LIN52: variants seen among roughly 807,000 people sequenced by gnomAD.
LIN52 encodes the protein protein lin-52 homolog.
Under a neutral mutation model 18.5 loss-of-function variants are expected in LIN52, and 4 were observed. The observed-to-expected ratio is 0.22, with a 90% CI of 0.11 to 0.49. LIN52 has a LOEUF of 0.49. LIN52 is among the 20% of genes least tolerant of loss of function. LIN52 has a pLI of 0.97. For missense variants in LIN52, 102 were observed against 139.5 expected, an observed-to-expected ratio of 0.73 and a Z score of 1.35; for synonymous variants, 34 against 45.5, an observed-to-expected ratio of 0.75 and a Z score of 1.02.
intron 5 of LIN52, among the ~76,000 whole-genome samples, chr14:74,196,362 A>C (rs531890195): frequency 6.6e-6 from 1 of 152,304 alleles, no homozygotes; most frequent in African/African-American, 2.4e-5. Flanking sequence ...GGGGAAAAAC[A>C]GTAAGGAGTT....
chr14:74,133,181 A>G (rs1485221617), intron 5 of LIN52, among the ~76,000 whole-genome samples: 3 of 152,364 alleles, frequency 2.0e-5, no homozygotes, highest in South Asian at 2.1e-4. Context: ...GTTAGTTGGT[A>G]AAAACTGTTC....
chr14:74,170,266 G>A (rs2061264903), intron 5 of LIN52, among the ~76,000 whole-genome samples: 1 of 152,166 alleles, frequency 6.6e-6, no homozygotes, highest in Admixed American at 6.6e-5. Context: ...CAGATGCTTA[G>A]TAAATATCCA....
intron 5 of LIN52, among the ~76,000 whole-genome samples, chr14:74,154,535 A>G (rs997348710): frequency 1.5e-4 from 23 of 152,212 alleles, no homozygotes; most frequent in Non-Finnish European, 8.8e-5. Context: ...GGCTAGAAGT[A>G]AGAGTCTAGG....
rs1205723391 is a variant in LIN52, at chr14:74,106,354, C to T, written c.283+5116C>T. The stretch of plus-strand genomic sequence containing the variant: ...GCCTTATCATGGCTCACTGCAGCCT[C>T]GAACTCCTGGGCTCAAGAGATCCTC... On this transcript the variant is annotated intron_variant, in intron 5 of 5. Transcript: ENST00000555028. Among the ~76,000 whole-genome samples the T allele has an allele frequency of 2.0e-5, 3 of 152,158 alleles. No individual in the cohort carries two copies. The East Asian group carries it at 5.8e-4, about 29-fold the overall frequency.
At chr14:74,091,767 C>G (rs201898103) in intron 2 of LIN52, among the ~76,000 whole-genome samples, 2 of 77,140 alleles carry the variant, frequency 2.6e-5, no homozygotes, top group East Asian at 3.5e-3. Flanking sequence ...GGGTGAGACT[C>G]TGTCTCAAAA....
At chr14:74,133,838 T>C (rs2061082045) in intron 5 of LIN52, among the ~76,000 whole-genome samples, 1 of 152,232 alleles carries the variant, frequency 6.6e-6, no homozygotes, top group South Asian at 2.1e-4. Flanking sequence ...TTGTTGCAAT[T>C]TGGCCTGTTT....
intron 5 of LIN52, among the ~76,000 whole-genome samples, chr14:74,117,314 A>G (rs2060971094): frequency 6.6e-6 from 1 of 152,216 alleles, no homozygotes; most frequent in Admixed American, 6.5e-5. Flanking sequence ...ATGTTGGCCA[A>G]GATGTTACTT....
intron 5 of LIN52, among the ~76,000 whole-genome samples, chr14:74,186,587 A>G (rs2061341654): frequency 6.6e-6 from 1 of 152,038 alleles, no homozygotes; most frequent in Non-Finnish European, 1.5e-5. Context: ...GTGAGCCAAG[A>G]TTGTGCCACT....
At chr14:74,169,697 C>T (rs778983594) in intron 5 of LIN52, among the ~76,000 whole-genome samples, 1 of 152,134 alleles carries the variant, frequency 6.6e-6, no homozygotes, top group Non-Finnish European at 1.5e-5. Context: ...TATCATAGTA[C>T]CCCCTTTTAA....
chr14:74,188,308 C>T (rs1247032731), intron 5 of LIN52, among the ~76,000 whole-genome samples: 1 of 151,988 alleles, frequency 6.6e-6, no homozygotes, highest in Admixed American at 6.6e-5. Flanking sequence ...AATCTCGATG[C>T]AAGTCATACA....
intron 5 of LIN52, among the ~76,000 whole-genome samples, chr14:74,143,277 T>TTCAG (rs1408485054): frequency 6.6e-6 from 1 of 152,146 alleles, no homozygotes; most frequent in Non-Finnish European, 1.5e-5. Flanking sequence ...AGCCTGGGCA[T>TTCAG]AGTGGCTTAT....
chr14:74,114,175 AGTGTGTGTGTGTGTGT>A (rs55840907), intron 5 of LIN52: 22 of 941,228 alleles, frequency 2.3e-5, no homozygotes, highest in African/African-American at 1.1e-4. Context: ...AACTGAGATT[AGTGTGTGTGTGTGTGT>A]GTGTGTGTGT....
chr14:74,135,405 T>C (rs968423008), intron 5 of LIN52, among the ~76,000 whole-genome samples: 1 of 152,130 alleles, frequency 6.6e-6, no homozygotes, highest in African/African-American at 2.4e-5. Context: ...CAGAAGAGTT[T>C]AACAGTGAGG....
chr14:74,113,120 C>T (rs1405835807), intron 5 of LIN52, among the ~76,000 whole-genome samples: 2 of 152,092 alleles, frequency 1.3e-5, no homozygotes, highest in African/African-American at 2.4e-5. Context: ...TGGCCAGGTG[C>T]GGTGGCTCAC....
At chr14:74,142,395 T>A (rs1566859618) in intron 5 of LIN52, among the ~76,000 whole-genome samples, 1 of 152,184 alleles carries the variant, frequency 6.6e-6, no homozygotes, top group Non-Finnish European at 1.5e-5. Flanking sequence ...AATTGGAGGC[T>A]ATTATTAATA....
chr14:74,167,655 G>A (rs1394864287), intron 5 of LIN52, among the ~76,000 whole-genome samples: 4 of 152,112 alleles, frequency 2.6e-5, no homozygotes, highest in African/African-American at 9.7e-5. Flanking sequence ...TTTGACAAGT[G>A]AAGTATTGTC....
chr14:74,166,432 C>T (rs1041061787), intron 5 of LIN52, among the ~76,000 whole-genome samples: 1 of 151,804 alleles, frequency 6.6e-6, no homozygotes, highest in Non-Finnish European at 1.5e-5. Context: ...TCAGGCTGGT[C>T]GCGAACTCCT....
chr14:74,130,278 GTTTTTTTTTT>G (rs71460958), intron 5 of LIN52, among the ~76,000 whole-genome samples: 5 of 64,842 alleles, frequency 7.7e-5, no homozygotes, highest in Non-Finnish European at 1.4e-4. Context: ...GCATTTTTTG[GTTTTTTTTTT>G]TTTTTTTTGA....
At chr14:74,140,969 C>T (rs543644080) in intron 5 of LIN52, among the ~76,000 whole-genome samples, 76 of 152,136 alleles carry the variant, frequency 5.0e-4, no homozygotes, top group Non-Finnish European at 9.1e-4. Context: ...TTAATAAAAG[C>T]TATCGTAGGA....
Sources: gnomAD v4.1 joint callset for allele counts (sites outside exome capture counted in the v4.1 genomes callset) on GRCh38, gnomAD v4.1.1 for gene constraint, MANE v1.5 for transcripts, NCBI Gene and HGNC (gene_info 2026-07-23, HGNC 2026-07-21) for gene names.